PARN: variants seen among roughly 807,000 people sequenced by gnomAD.
The protein encoded by PARN is poly(A)-specific ribonuclease PARN.
In PARN, 71 loss-of-function variants were observed where a neutral mutation model predicts 102.8. The ratio of observed to expected loss-of-function variants is 0.69; its 90% confidence interval spans 0.57 to 0.84. PARN has a LOEUF of 0.84. Among genes scored for constraint, PARN ranks in the 40% least tolerant of loss-of-function variants. The pLI, the probability that PARN is intolerant of heterozygous loss-of-function variation, is 0.00. For synonymous variants in PARN, 261 were observed against 252.9 expected (o/e 1.03, Z -0.30); for missense variants, 782 against 760.9 (o/e 1.03, Z -0.33).
intron 21 of PARN, among the ~76,000 whole-genome samples, chr16:14,517,728 G>C (rs903235347): frequency 6.6e-6 from 1 of 152,136 alleles, no homozygotes; most frequent in Non-Finnish European, 1.5e-5. Flanking sequence ...GCCCAGGCTA[G>C]AGTGCAGTGG....
intron 22 of PARN, among the ~76,000 whole-genome samples, chr16:14,454,073 C>CT (rs1002662938): frequency 1.1e-4 from 17 of 152,116 alleles, no homozygotes; most frequent in African/African-American, 3.9e-4. Flanking sequence ...CCTCATCCCC[C>CT]TTTTCAAAAA....
chr16:14,539,701 T>TA (rs1966767150), intron 21 of PARN, among the ~76,000 whole-genome samples: 1 of 152,218 alleles, frequency 6.6e-6, no homozygotes. Flanking sequence ...TCACATGTCT[T>TA]ACTAATAATG....
intron 16 of PARN, among the ~76,000 whole-genome samples, chr16:14,582,984 A>G (rs1028901988): frequency 2.6e-5 from 4 of 152,140 alleles, no homozygotes; most frequent in African/African-American, 9.7e-5. Flanking sequence ...AACAGCTCCA[A>G]CTCACTACTG....
At chr16:14,499,657 C>G (rs982292009) in intron 21 of PARN, among the ~76,000 whole-genome samples, 4 of 151,334 alleles carry the variant, frequency 2.6e-5, no homozygotes, top group African/African-American at 9.7e-5. Context: ...TCTATTTAAA[C>G]ATTCATTGTA....
At chr16:14,468,432 C>T (rs1962501071) in intron 22 of PARN, among the ~76,000 whole-genome samples, 1 of 151,526 alleles carries the variant, frequency 6.6e-6, no homozygotes, top group Non-Finnish European at 1.5e-5. Context: ...AGAGAGAAGA[C>T]CAATGAAAAA....
intron 22 of PARN, 83 bp from the exon 23 acceptor site, chr16:14,447,164 A>C: frequency 1.1e-6 from 1 of 886,290 alleles, no homozygotes; most frequent in South Asian, 2.1e-5. Context: ...AATACTCTTA[A>C]TTCTATTAAC....
intron 22 of PARN, among the ~76,000 whole-genome samples, chr16:14,447,974 C>T (rs1285265554): frequency 6.6e-6 from 1 of 150,648 alleles, no homozygotes; most frequent in Non-Finnish European, 1.5e-5. Flanking sequence ...ATCTATCTAT[C>T]TATCTATCTA....
chr16:14,533,213 G>T (rs1378443176), intron 21 of PARN, among the ~76,000 whole-genome samples: 1 of 152,094 alleles, frequency 6.6e-6, no homozygotes, highest in Non-Finnish European at 1.5e-5. Flanking sequence ...AGACCAGCCC[G>T]GCCAACACAG....
intron 21 of PARN, among the ~76,000 whole-genome samples, chr16:14,488,407 C>A (rs1425456188): frequency 6.6e-6 from 1 of 152,136 alleles, no homozygotes; most frequent in African/African-American, 2.4e-5. Flanking sequence ...AATATTAAAG[C>A]CTTTGTCCAT....
Position 14,499,627 on chromosome 16 carries a change from A to G in PARN, c.1481-16800T>C, listed in dbSNP as rs568749641. Among the ~76,000 whole-genome samples, 3 of 152,364 alleles carry G rather than the reference A, an allele frequency of 2.0e-5. No homozygotes were observed. The South Asian group carries it at 6.2e-4, about 32-fold the overall frequency. ...ATATTCATTTTGCTTTCTACATTCT[A>G]AAAGTGTAGAGCTTTTTTGTCTATT... On this transcript the variant is annotated intron_variant, in intron 21 of 23. Transcript: ENST00000437198.
At chr16:14,619,347 C>T (rs1249349415) in intron 5 of PARN, among the ~76,000 whole-genome samples, 19 of 152,154 alleles carry the variant, frequency 1.2e-4, no homozygotes, top group Admixed American at 1.2e-3. Flanking sequence ...CACCTGTAAT[C>T]CCAGCACTTC....
intron 22 of PARN, among the ~76,000 whole-genome samples, chr16:14,479,263 T>A (rs532691264): frequency 4.6e-5 from 7 of 151,900 alleles, no homozygotes; most frequent in South Asian, 4.2e-4. Flanking sequence ...TACAAAAAAA[T>A]TTTTAAAAAT....
At chr16:14,628,623 G>C (rs1972827588) in intron 2 of PARN, among the ~76,000 whole-genome samples, 1 of 152,144 alleles carries the variant, frequency 6.6e-6, no homozygotes, top group Non-Finnish European at 1.5e-5. Context: ...TCCAGTCTTG[G>C]TCAAGAGTTT....
intron 21 of PARN, among the ~76,000 whole-genome samples, chr16:14,490,291 G>C (rs767317529): frequency 6.6e-6 from 1 of 152,162 alleles, no homozygotes; most frequent in African/African-American, 2.4e-5. Flanking sequence ...TCATAAAAAG[G>C]GACTGGCCCA....
chr16:14,458,421 TA>T (rs1961788625), intron 22 of PARN, among the ~76,000 whole-genome samples: 1 of 152,172 alleles, frequency 6.6e-6, no homozygotes, highest in African/African-American at 2.4e-5. Flanking sequence ...AACTACTTTT[TA>T]AAAATTTCCA....
In PARN at chr16:14,599,870, T is replaced by TCAC. The variant is rs1970769218; in HGVS notation, c.840+33_840+34insGTG. 15 of 1,372,534 alleles carry TCAC rather than the reference T, an allele frequency of 1.1e-5. No individual in the cohort carries two copies. The South Asian group carries it at 1.8e-4, about 17-fold the overall frequency. The allele number at this position is 1,372,534 out of a possible 1,614,324, so 85.0% of individuals were successfully genotyped here. On this transcript the variant is annotated intron_variant, in intron 12 of 23. Transcript: ENST00000437198. ...AGATACTTCACCTGAAATAGTATGT[T>TCAC]CTGCAATCTTGCTAAAAAGTCTGGC...
intron 13 of PARN, among the ~76,000 whole-genome samples, chr16:14,592,428 G>C (rs1342447036): frequency 6.6e-6 from 1 of 152,162 alleles, no homozygotes; most frequent in Non-Finnish European, 1.5e-5. Flanking sequence ...AAAAGATGAA[G>C]AGGAAATAAA....
Position 14,471,272 on chromosome 16 carries a change from G to A in PARN, c.1670+11366C>T, listed in dbSNP as rs566420365. On this transcript the variant is annotated intron_variant, in intron 22 of 23. Transcript: ENST00000437198. ...AGACGAGAAAGGCCAGATCTAAAAG[G>A]CATTTTAATAAATAAAGCATAAAAT... is the stretch of plus-strand genomic sequence containing the variant. Among the ~76,000 whole-genome samples the A allele has an allele frequency of 1.2e-4, 18 of 152,146 alleles. No homozygotes were observed. The South Asian group carries it at 3.7e-3, about 32-fold the overall frequency.
chr16:14,496,925 C>T (rs1055134007), intron 21 of PARN, among the ~76,000 whole-genome samples: 1 of 152,112 alleles, frequency 6.6e-6, no homozygotes. Flanking sequence ...ATTTTGAATA[C>T]GACAGAACAG....
Sources: allele counts gnomAD v4.1 joint callset (sites outside exome capture counted in the v4.1 genomes callset), GRCh38; gene constraint gnomAD v4.1.1; transcripts MANE v1.5; gene names NCBI Gene and HGNC (gene_info 2026-07-23, HGNC 2026-07-21).